The following ANKS1B variants were observed in gnomAD, a reference collection of about 807,000 sequenced individuals.
ANKS1B encodes ankyrin repeat and sterile alpha motif domain-containing protein 1B.
ANKS1B carries 36 observed loss-of-function variants against 148.3 expected under a neutral mutation model. The observed-to-expected ratio is 0.24, with a 90% CI of 0.19 to 0.32. The LOEUF is 0.32. ANKS1B is among the 10% of genes least tolerant of loss of function. The probability of loss-of-function intolerance (pLI) is 1.00; values close to 1 mark genes in which losing one functional copy is unlikely to be tolerated. For synonymous variants in ANKS1B, 542 were observed against 560.8 expected, an observed-to-expected ratio of 0.97 and a Z score of 0.47; for missense variants, 1,157 against 1,542.6, an observed-to-expected ratio of 0.75 and a Z score of 4.19.
In ANKS1B at chr12:99,243,000, A is replaced by G. The variant is rs2089639199; in HGVS notation, c.2419+1342T>C. ...AGGCATGGGCAAAGACTTCATGACT[A>G]AAACACCAAAAGCAATGGCAACAAA... is the stretch of plus-strand genomic sequence containing the variant. On this transcript the variant is annotated intron_variant, in intron 14 of 26. Transcript: ENST00000683438. 2.0e-5 allele frequency among the ~76,000 whole-genome samples: 3 copies of G among 152,358 alleles called. No homozygotes were observed. In the South Asian group the frequency reaches 6.2e-4, roughly 32 times the overall value.
chr12:99,740,476 G>C (rs907762540), intron 8 of ANKS1B, among the ~76,000 whole-genome samples: 1 of 152,266 alleles, frequency 6.6e-6, no homozygotes, highest in Middle Eastern at 3.4e-3. Flanking sequence ...TCAGGCAAAA[G>C]TGTATGTCAG....
chr12:99,746,660 G>A (rs1324570942), intron 8 of ANKS1B, among the ~76,000 whole-genome samples: 3 of 152,134 alleles, frequency 2.0e-5, no homozygotes, highest in Non-Finnish European at 1.5e-5. Context: ...TAAACTTCTA[G>A]ATCCCAAAAT....
rs574950441 is a variant in ANKS1B at position 99,042,923 on chromosome 12, C to G, written c.2778+10234G>C. On this transcript the variant is annotated intron_variant, in intron 17 of 26. Transcript: ENST00000683438. ...CCATTTACTCTTTGGATTCTCCATT[C>G]TACCTGTTCTGCTGCCTACTTCTAC... Among the ~76,000 whole-genome samples the G allele has an allele frequency of 7.2e-5, 11 of 152,318 alleles. 1 individual carries two copies. The South Asian group carries it at 2.3e-3, about 32-fold the overall frequency.
At chr12:99,255,255 A>C (rs1485053587) in intron 12 of ANKS1B, among the ~76,000 whole-genome samples, 1 of 152,096 alleles carries the variant, frequency 6.6e-6, no homozygotes, top group African/African-American at 2.4e-5. Context: ...AATTTTTCTC[A>C]GTATTAAAAT....
intron 17 of ANKS1B, among the ~76,000 whole-genome samples, chr12:98,860,642 G>C (rs1025191892): frequency 4.6e-5 from 7 of 152,164 alleles, no homozygotes; most frequent in Non-Finnish European, 8.8e-5. Flanking sequence ...TTCTGTTACT[G>C]TGTTAGTTTG....
At chr12:99,549,135 T>C (rs969524333) in intron 9 of ANKS1B, among the ~76,000 whole-genome samples, 1 of 152,192 alleles carries the variant, frequency 6.6e-6, no homozygotes, top group African/African-American at 2.4e-5. Flanking sequence ...AGATAGGTCA[T>C]ACAATAGTTA....
chr12:99,106,830 A>G (rs1004285883), intron 15 of ANKS1B, among the ~76,000 whole-genome samples: 7 of 152,368 alleles, frequency 4.6e-5, no homozygotes, highest in African/African-American at 1.7e-4. Flanking sequence ...AATTGATAAC[A>G]CTAGTCAGAA....
At chr12:99,590,066 T>C (rs1242316456) in intron 9 of ANKS1B, among the ~76,000 whole-genome samples, 1 of 152,132 alleles carries the variant, frequency 6.6e-6, no homozygotes, top group African/African-American at 2.4e-5. Flanking sequence ...TTAAAACAGT[T>C]ACATAGGAAT....
chr12:99,831,433 T>C (rs962147941), intron 1 of ANKS1B, among the ~76,000 whole-genome samples: 6 of 151,364 alleles, frequency 4.0e-5, no homozygotes, highest in African/African-American at 1.5e-4. Flanking sequence ...TACCTAGAAA[T>C]TCTCCTTAAG....
At chr12:99,705,196 G>A (rs549543161) in intron 8 of ANKS1B, among the ~76,000 whole-genome samples, 198 of 152,190 alleles carry the variant, frequency 1.3e-3, no homozygotes, top group Non-Finnish European at 1.9e-3. Context: ...CTATAGCCTG[G>A]TGACTATCCG....
intron 12 of ANKS1B, among the ~76,000 whole-genome samples, chr12:99,337,585 T>A (rs1193136737): frequency 6.6e-6 from 1 of 152,068 alleles, no homozygotes; most frequent in African/African-American, 2.4e-5. Flanking sequence ...GAATTTAAGT[T>A]AGGTATTTAT....
At chr12:99,100,605 T>C (rs181470942) in intron 15 of ANKS1B, among the ~76,000 whole-genome samples, 2 of 152,256 alleles carry the variant, frequency 1.3e-5, no homozygotes, top group East Asian at 1.9e-4. Context: ...TCTTGGCTCA[T>C]TGCAACCTCC....
chr12:99,152,982 G>T lies in ANKS1B; in HGVS notation c.2526+1307C>A, dbSNP rs150364438. ...CAAATATCTTGTCTATATAACCAGT[G>T]ACAGTACTTGATAAACACAAGAAAA... On this transcript the variant is annotated intron_variant, in intron 15 of 26. Coordinates refer to ENST00000683438, the MANE Select transcript of ANKS1B (RefSeq NM_001352186.2). Among the ~76,000 whole-genome samples the T allele has an allele frequency of 2.6e-4, 39 of 151,988 alleles. No homozygotes were observed. The East Asian group carries it at 4.5e-3, about 17-fold the overall frequency.
At chr12:99,673,132 G>T (rs2098546267) in intron 8 of ANKS1B, among the ~76,000 whole-genome samples, 1 of 151,994 alleles carries the variant, frequency 6.6e-6, no homozygotes, top group African/African-American at 2.4e-5. Flanking sequence ...AAAAGCCTGA[G>T]CAGAGAATAC....
intron 1 of ANKS1B, among the ~76,000 whole-genome samples, chr12:99,849,744 TA>T (rs2087388879): frequency 6.6e-6 from 1 of 151,936 alleles, no homozygotes; most frequent in Non-Finnish European, 1.5e-5. Context: ...ATATAGAAAA[TA>T]ACACATACTG....
chr12:99,618,535 C>A (rs1186226582), intron 9 of ANKS1B, among the ~76,000 whole-genome samples: 1 of 152,000 alleles, frequency 6.6e-6, no homozygotes, highest in Non-Finnish European at 1.5e-5. Context: ...GAATGCTGGC[C>A]AACAGCTTCC....
At chr12:99,388,267 C>T (rs1221675858) in intron 12 of ANKS1B, among the ~76,000 whole-genome samples, 1 of 152,148 alleles carries the variant, frequency 6.6e-6, no homozygotes, top group Non-Finnish European at 1.5e-5. Context: ...CACCCTCTGT[C>T]TTATGTCTTA....
chr12:99,615,464 C>T (rs2097947835), intron 9 of ANKS1B, among the ~76,000 whole-genome samples: 1 of 152,014 alleles, frequency 6.6e-6, no homozygotes. Context: ...CTAAACAAAC[C>T]TCCCTGACAA....
chr12:99,645,987 T>C (rs1193005272), intron 9 of ANKS1B, among the ~76,000 whole-genome samples: 2 of 146,372 alleles, frequency 1.4e-5, no homozygotes, highest in African/African-American at 5.1e-5. Flanking sequence ...TATCTTGTCA[T>C]ATATGTGTAT....
Sources: allele counts gnomAD v4.1 joint callset (sites outside exome capture counted in the v4.1 genomes callset), GRCh38; gene constraint gnomAD v4.1.1; transcripts MANE v1.5; gene names NCBI Gene and HGNC (gene_info 2026-07-23, HGNC 2026-07-21).